Variants in CRYL1 observed in about 807,000 individuals in gnomAD.
CRYL1 encodes the protein crystallin lambda 1, also known as lambda-crystallin homolog.
CRYL1 carries 29 observed loss-of-function variants against 36.6 expected under a neutral mutation model. The ratio of observed to expected loss-of-function variants is 0.79; its 90% CI spans 0.59 to 1.08. The LOEUF is 1.08. Ranked by LOEUF, CRYL1 falls within the 50% of genes least tolerant of loss-of-function variation. The pLI, the probability that CRYL1 is intolerant of heterozygous loss-of-function variation, is 0.00. For missense variants in CRYL1, 411 were observed against 407.9 expected (o/e 1.01, Z -0.06); for synonymous variants, 152 against 151.5 (o/e 1.00, Z -0.02).
At chr13:20,494,552 AG>A (rs1161815650) in intron 2 of CRYL1, among the ~76,000 whole-genome samples, 2 of 152,202 alleles carry the variant, frequency 1.3e-5, no homozygotes, top group Non-Finnish European at 2.9e-5. Context: ...TGCATCCTTT[AG>A]GAAACTATGT....
intron 2 of CRYL1, among the ~76,000 whole-genome samples, chr13:20,503,856 C>T (rs142461315): frequency 6.6e-6 from 1 of 152,192 alleles, no homozygotes; most frequent in South Asian, 2.1e-4. Context: ...ACTGGAAATG[C>T]CTGCGTCCAA....
intron 6 of CRYL1, among the ~76,000 whole-genome samples, chr13:20,407,419 C>A (rs982380204): frequency 1.3e-5 from 2 of 152,078 alleles, no homozygotes; most frequent in Non-Finnish European, 2.9e-5. Context: ...TTTGCAACTC[C>A]TCCCCTTCCA....
chr13:20,408,707 A>T (rs2031444780), intron 6 of CRYL1, among the ~76,000 whole-genome samples: 1 of 152,182 alleles, frequency 6.6e-6, no homozygotes, highest in Non-Finnish European at 1.5e-5. Context: ...CACCAACAAC[A>T]GACAAACAGA....
At chr13:20,434,271 A>T (rs566385487) in intron 4 of CRYL1, among the ~76,000 whole-genome samples, 1 of 152,326 alleles carries the variant, frequency 6.6e-6, no homozygotes, top group East Asian at 1.9e-4. Flanking sequence ...GTCTTACAAA[A>T]GGATTGTAAA....
At position 20,502,739 on chromosome 13, in the gene CRYL1, G is replaced by C. The variant is rs182792230; in HGVS notation, c.149+9704C>G. Among the ~76,000 whole-genome samples, 168 of 152,328 alleles carry C rather than the reference G, an allele frequency of 1.1e-3. 1 individual carries two copies. The highest frequency in any genetic ancestry group is 3.7e-3 in the African/African-American group (155 of 41,578). ...TAGCAGGGAGACAGACAGGGGAGGA[G>C]AGGGCCTGCTTAAGTGTCAAGGCAA... On this transcript the variant is annotated intron_variant, in intron 2 of 7. Transcript: ENST00000298248.
chr13:20,420,452 A>G (rs921370192), intron 5 of CRYL1, among the ~76,000 whole-genome samples: 1 of 151,594 alleles, frequency 6.6e-6, no homozygotes, highest in Non-Finnish European at 1.5e-5. Context: ...AGAAGAAACC[A>G]TATGTGCATA....
chr13:20,408,945 A>G (rs2031450227), intron 6 of CRYL1, among the ~76,000 whole-genome samples: 2 of 152,208 alleles, frequency 1.3e-5, no homozygotes, highest in African/African-American at 2.4e-5. Context: ...TACAGATTCA[A>G]TGCCATCCCC....
At chr13:20,513,902 A>G (rs923361266) in intron 1 of CRYL1, among the ~76,000 whole-genome samples, 94 of 148,808 alleles carry the variant, frequency 6.3e-4, no homozygotes, top group African/African-American at 2.2e-3. Flanking sequence ...CAAAAAGAAA[A>G]AGAAAGTATT....
rs2033387336 is a variant in CRYL1, at chr13:20,485,875, T to A, written c.276+3495A>T. 1.4e-5 allele frequency among the ~76,000 whole-genome samples: 2 copies of A among 147,576 alleles called. 1 individual carries two copies. The highest frequency in any genetic ancestry group is 4.2e-4 in the South Asian group (2 of 4,806). On this transcript the variant is annotated intron_variant, in intron 3 of 7. Transcript: ENST00000298248. ...GAAATCCAAACCCTTTAGTTCTTTATTTTTTTTATAATTATTTTTTCTTCA... is the reference window on the plus strand; with the variant it reads ...GAAATCCAAACCCTTTAGTTCTTTAATTTTTTTATAATTATTTTTTCTTCA...
chr13:20,436,167 A>G (rs1031851356), intron 4 of CRYL1, among the ~76,000 whole-genome samples: 1 of 151,828 alleles, frequency 6.6e-6, no homozygotes, highest in South Asian at 2.1e-4. Flanking sequence ...CTCTCCCCCA[A>G]CGCCCACCGC....
chr13:20,433,784 A>G (rs544952519), intron 4 of CRYL1: 1 of 154,474 alleles, frequency 6.5e-6, no homozygotes, highest in African/African-American at 2.4e-5. Context: ...GCAAAAACAG[A>G]CTGAGACAAG....
At chr13:20,423,339 G>C (rs1272863987) in intron 5 of CRYL1, among the ~76,000 whole-genome samples, 1 of 152,174 alleles carries the variant, frequency 6.6e-6, no homozygotes, top group Non-Finnish European at 1.5e-5. Context: ...CCCTTGTCTT[G>C]TTCCTAATCT....
At chr13:20,506,985 A>G (rs982253450) in intron 2 of CRYL1, among the ~76,000 whole-genome samples, 5 of 152,192 alleles carry the variant, frequency 3.3e-5, no homozygotes, top group Admixed American at 1.3e-4. Flanking sequence ...TGCTATTCTC[A>G]TAACAGTGAA....
rs1417081164 is a variant in CRYL1, at chr13:20,413,484, ATCT to A, written c.634-100_634-98del. The stretch of plus-strand genomic sequence containing the variant: ...AACTTCTTTAGAGCAGGATCCCAAA[ATCT>A]TCTCCAAAGCACTATACAGGGTGAG... On this transcript the variant is annotated intron_variant, in intron 5 of 7. Transcript: ENST00000298248. 7 of 721,362 alleles carry A rather than the reference ATCT, an allele frequency of 9.7e-6. No homozygotes were observed. The East Asian group carries it at 1.8e-4, about 19-fold the overall frequency. 44.7% of individuals were successfully genotyped at this position (721,362 alleles called of 1,614,324 possible).
chr13:20,463,676 C>A (rs1204982166), intron 3 of CRYL1, among the ~76,000 whole-genome samples: 2 of 152,168 alleles, frequency 1.3e-5, no homozygotes, highest in Non-Finnish European at 2.9e-5. Flanking sequence ...GGGTCCCACA[C>A]AAATTGAAAC....
chr13:20,477,837 A>G (rs1264309923), intron 3 of CRYL1, among the ~76,000 whole-genome samples: 1 of 145,268 alleles, frequency 6.9e-6, no homozygotes, highest in African/African-American at 2.5e-5. Flanking sequence ...AATATAATAT[A>G]CTATAGTATA....
intron 5 of CRYL1, among the ~76,000 whole-genome samples, chr13:20,421,305 A>G (rs2031808577): frequency 6.6e-6 from 1 of 152,226 alleles, no homozygotes; most frequent in African/African-American, 2.4e-5. Flanking sequence ...GAATGTGAAT[A>G]CATTCACTTC....
At chr13:20,479,317 G>A (rs17052219) in intron 3 of CRYL1, among the ~76,000 whole-genome samples, 2,810 of 152,246 alleles carry the variant, frequency 0.018, 173 homozygotes, top group Admixed American at 0.13. Context: ...TCCTGAAGGT[G>A]TACTGGCAAT....
intron 4 of CRYL1, among the ~76,000 whole-genome samples, chr13:20,433,067 C>T (rs1565962380): frequency 6.6e-6 from 1 of 152,104 alleles, no homozygotes; most frequent in East Asian, 1.9e-4. Flanking sequence ...TCCTTAATTC[C>T]TCCATATTGT....
Sources: allele counts gnomAD v4.1 joint callset (sites outside exome capture counted in the v4.1 genomes callset), GRCh38; gene constraint gnomAD v4.1.1; transcripts MANE v1.5; gene names NCBI Gene and HGNC (gene_info 2026-07-23, HGNC 2026-07-21).